Variants in CPNE4 observed in about 807,000 individuals in gnomAD.
CPNE4 encodes the protein copine 4, also known as copine-4.
A neutral mutation model predicts 67.9 loss-of-function variants in CPNE4; 25 were observed. The ratio of observed to expected loss-of-function variants is 0.37; its 90% CI spans 0.27 to 0.51. The LOEUF is 0.51. Among genes scored for constraint, CPNE4 ranks in the 20% least tolerant of loss-of-function variants. The pLI, the probability that CPNE4 is intolerant of heterozygous loss-of-function variation, is 0.93. For synonymous variants in CPNE4, 242 were observed against 244.9 expected (o/e 0.99, Z 0.11); for missense variants, 464 against 690.8 (o/e 0.67, Z 3.68).
chr3:131,836,493 C>T (rs1210878353), intron 2 of CPNE4, among the ~76,000 whole-genome samples: 1 of 152,172 alleles, frequency 6.6e-6, no homozygotes, highest in Non-Finnish European at 1.5e-5. Context: ...TAACCTACAG[C>T]TAACATTATA....
At chr3:132,019,611 T>TA (rs374571473) in intron 1 of CPNE4, among the ~76,000 whole-genome samples, 18 of 151,834 alleles carry the variant, frequency 1.2e-4, no homozygotes, top group African/African-American at 2.4e-4. Flanking sequence ...AGGCAACTGA[T>TA]AAAAAAAAAT....
In CPNE4 at chr3:131,555,482, T is replaced by A; in HGVS notation, c.1116+15A>T. 6.2e-7 allele frequency: 1 copy of A among 1,609,692 alleles called. No individual in the cohort carries two copies. On this transcript the variant is annotated intron_variant, in intron 12 of 15. Coordinates refer to ENST00000429747, the MANE Select transcript of CPNE4 (RefSeq NM_130808.3). The stretch of plus-strand genomic sequence containing the variant: ...CACAGTGAAGTGGAAGAAGATCACA[T>A]CTCCACTCACTCACCGTGTACTCTG...
intron 1 of CPNE4, among the ~76,000 whole-genome samples, chr3:131,934,573 C>T (rs1046925792): frequency 1.3e-5 from 2 of 152,114 alleles, no homozygotes; most frequent in African/African-American, 4.8e-5. Flanking sequence ...AGCCCCCCAC[C>T]CCCTGACAGG....
chr3:131,824,669 G>A (rs777969571), intron 2 of CPNE4, among the ~76,000 whole-genome samples: 7 of 152,166 alleles, frequency 4.6e-5, no homozygotes, highest in Non-Finnish European at 1.0e-4. Flanking sequence ...AGCAGATTAA[G>A]CATATGAATC....
chr3:131,821,657 C>A (rs72987751), intron 2 of CPNE4, among the ~76,000 whole-genome samples: 4,816 of 152,202 alleles, frequency 0.032, 183 homozygotes, highest in South Asian at 0.094. Context: ...GGAGTAATTC[C>A]TTTCACAAAA....
intron 3 of CPNE4, among the ~76,000 whole-genome samples, chr3:131,711,279 C>T (rs899264212): frequency 5.3e-5 from 8 of 152,168 alleles, no homozygotes; most frequent in Non-Finnish European, 1.0e-4. Context: ...GAGATGCCTG[C>T]TCTGGTTGGC....
chr3:131,989,993 C>T lies in CPNE4; in HGVS notation c.-2+44574G>A, dbSNP rs935541630. 1.5e-4 allele frequency among the ~76,000 whole-genome samples: 21 copies of T among 136,210 alleles called. 2 individuals carry two copies. The highest frequency in any genetic ancestry group is 5.2e-4 in the African/African-American group (21 of 40,632). 89.4% of individuals were successfully genotyped at this position (136,210 alleles called of 152,430 possible). A position where few individuals can be genotyped will look rare whatever the true frequency, so the allele number is the denominator to read the frequency against. On this transcript the variant is annotated intron_variant, in intron 1 of 15. Coordinates refer to ENST00000429747, the MANE Select transcript of CPNE4 (RefSeq NM_130808.3). ...CATTTGGAAGGGGAATGTTGCTGGA[C>T]TATGGGCATAATGAAAATAATGGAT... is the stretch of plus-strand genomic sequence containing the variant.
intron 2 of CPNE4, among the ~76,000 whole-genome samples, chr3:131,788,736 T>TA (rs974831454): frequency 1.8e-4 from 28 of 152,192 alleles, no homozygotes; most frequent in African/African-American, 4.6e-4. Flanking sequence ...GTGCAGCGAT[T>TA]AAAAATCACA....
At chr3:131,823,319 G>A (rs2085034379) in intron 2 of CPNE4, among the ~76,000 whole-genome samples, 1 of 152,216 alleles carries the variant, frequency 6.6e-6, no homozygotes, top group South Asian at 2.1e-4. Context: ...CCGAATGAAT[G>A]TGTGGAAAGG....
chr3:132,021,659 G>T (rs1274602280), intron 1 of CPNE4, among the ~76,000 whole-genome samples: 1 of 151,688 alleles, frequency 6.6e-6, no homozygotes, highest in Admixed American at 6.6e-5. Context: ...GCTACAGATT[G>T]CTGATCCCTG....
At chr3:131,597,441 C>T (rs896448870) in intron 7 of CPNE4, among the ~76,000 whole-genome samples, 3 of 152,024 alleles carry the variant, frequency 2.0e-5, no homozygotes, top group African/African-American at 7.3e-5. Flanking sequence ...GCACATGTAA[C>T]CCGGAACTTA....
At chr3:131,737,290 A>AT (rs2082260215) in intron 2 of CPNE4, among the ~76,000 whole-genome samples, 1 of 151,304 alleles carries the variant, frequency 6.6e-6, no homozygotes, top group Non-Finnish European at 1.5e-5. Context: ...CACCTGGCTA[A>AT]TTTTTGTATT....
chr3:132,022,699 T>C (rs2107691103), intron 1 of CPNE4, among the ~76,000 whole-genome samples: 1 of 152,256 alleles, frequency 6.6e-6, no homozygotes, highest in Non-Finnish European at 1.5e-5. Flanking sequence ...TGGTGGTGAG[T>C]TGTGCCTGAT....
chr3:131,749,769 T>C (rs2082579121), intron 2 of CPNE4, among the ~76,000 whole-genome samples: 1 of 152,196 alleles, frequency 6.6e-6, no homozygotes. Context: ...TTTAGGCACG[T>C]CTGCTTTCAT....
intron 1 of CPNE4, among the ~76,000 whole-genome samples, chr3:132,020,121 C>T (rs58590219): frequency 0.97 from 146,911 of 152,194 alleles, 71,114 homozygotes; most frequent in African/African-American, 0.99. Flanking sequence ...AAAAGTGACC[C>T]GTCCTGCACA....
At chr3:131,578,342 A>G (rs971227505) in intron 9 of CPNE4, among the ~76,000 whole-genome samples, 6 of 152,080 alleles carry the variant, frequency 3.9e-5, no homozygotes, top group East Asian at 1.9e-4. Flanking sequence ...AACTTAATTG[A>G]TAAGTGTTGT....
At chr3:131,804,462 T>C (rs1230946381) in intron 2 of CPNE4, among the ~76,000 whole-genome samples, 1 of 152,180 alleles carries the variant, frequency 6.6e-6, no homozygotes, top group African/African-American at 2.4e-5. Flanking sequence ...TGTTTTTACT[T>C]CATATCAGAC....
chr3:131,969,415 A>G (rs1346906587), intron 1 of CPNE4, among the ~76,000 whole-genome samples: 1 of 152,124 alleles, frequency 6.6e-6, no homozygotes, highest in Admixed American at 6.6e-5. Context: ...TTTTGCACCA[A>G]TCTAATAAAA....
chr3:132,033,390 AGTGTGTGTGTGTGTCTGT>A (rs1209305533), intron 1 of CPNE4, among the ~76,000 whole-genome samples: 1 of 111,652 alleles, frequency 9.0e-6, no homozygotes, highest in Non-Finnish European at 1.9e-5. Flanking sequence ...AGAGTGTGTG[AGTGTGTGTGTGTGTCTGT>A]GTGTGTGTGT....
Sources: gnomAD v4.1 joint callset for allele counts (sites outside exome capture counted in the v4.1 genomes callset) on GRCh38, gnomAD v4.1.1 for gene constraint, MANE v1.5 for transcripts, NCBI Gene and HGNC (gene_info 2026-07-23, HGNC 2026-07-21) for gene names.